NIN: variants seen among roughly 807,000 people sequenced by gnomAD.
NIN encodes ninein.
NIN carries 137 observed loss-of-function variants against 257.6 expected under a neutral mutation model. That is an observed-to-expected ratio of 0.53 (90% CI 0.46 to 0.61). The LOEUF (loss-of-function observed/expected upper bound fraction) is 0.61, where lower values mean the gene tolerates loss of function less well. NIN is among the 20% of genes least tolerant of loss of function. NIN has a pLI of 0.00. For missense variants in NIN, 2,439 were observed against 2,501.2 expected, an observed-to-expected ratio of 0.98 and a Z score of 0.53; for synonymous variants, 918 against 919.8, an observed-to-expected ratio of 1.00 and a Z score of 0.04.
At chr14:50,738,979 A>G (rs2041140049) in intron 26 of NIN, among the ~76,000 whole-genome samples, 2 of 152,040 alleles carry the variant, frequency 1.3e-5, no homozygotes, top group Non-Finnish European at 2.9e-5. Context: ...ATCTGAGTCT[A>G]GTTTTACCAT....
chr14:50,820,483 T>C (rs1164196409), intron 3 of NIN, among the ~76,000 whole-genome samples: 2 of 152,204 alleles, frequency 1.3e-5, no homozygotes, highest in African/African-American at 4.8e-5. Flanking sequence ...AGCCCATTGA[T>C]ACTATCCTTT....
At position 50,758,376 on chromosome 14, in the gene NIN, G is replaced by A. The variant is rs776499143; in HGVS notation, c.2654C>T (p.Thr885Ile). The change falls in exon 18 of 31, where the codon ACA becomes ATA. Residue 885 changes from threonine to isoleucine, a missense_variant. Coordinates refer to ENST00000530997, the MANE Select transcript of NIN (RefSeq NM_020921.4). ...LLKETLKREKTTSLVLTQERE... is the reference protein window; with the variant it reads ...LLKETLKREKITSLVLTQERE... ...CTCCTGGGTCAGGACCAGAGAAGTTGTTTTCTCTCTCTTAAGAGTCTCTTT... is the reference window on the plus strand; with the variant it reads ...CTCCTGGGTCAGGACCAGAGAAGTTATTTTCTCTCTCTTAAGAGTCTCTTT... 6.2e-7 allele frequency: 1 copy of A among 1,614,234 alleles called. No individual in the cohort carries two copies. The highest frequency in any genetic ancestry group is 1.3e-5 in the African/African-American group (1 of 75,066).
chr14:50,778,767 T>A lies in NIN; in HGVS notation c.473A>T (p.Glu158Val). ...KTQRSEEYEA[E>V]GQLRFWNPDD... Reference sequence around the variant, plus strand: ...GTCCTGACACACTCGGCTCTTACCTTCCGCTTCATACTCCTCACTGCGTTG... The same window carrying A: ...GTCCTGACACACTCGGCTCTTACCTACCGCTTCATACTCCTCACTGCGTTG... The change falls in exon 6 of 31, where the codon GAA (glutamate) becomes GTA (valine). Residue 158 changes from glutamate (E) to valine (V), a missense_variant and splice_region_variant. By Grantham distance (121) the Glu-to-Val change is moderately radical. Coordinates refer to ENST00000530997, the MANE Select transcript of NIN (RefSeq NM_020921.4). The A allele has an allele frequency of 3.1e-6, 5 of 1,614,054 alleles. No individual in the cohort carries two copies. Among genetic ancestry groups the A allele is most frequent in the Non-Finnish European group, 4.2e-6 (5 of 1,180,004 alleles).
At chr14:50,728,524 G>A (rs183693121) in intron 29 of NIN, among the ~76,000 whole-genome samples, 11 of 152,234 alleles carry the variant, frequency 7.2e-5, no homozygotes, top group Middle Eastern at 3.4e-3. Context: ...GAGTTCCAGA[G>A]CTAATGTGAC....
chr14:50,734,175 C>T (rs1185647220), intron 28 of NIN, among the ~76,000 whole-genome samples: 3 of 151,764 alleles, frequency 2.0e-5, no homozygotes, highest in Admixed American at 6.6e-5. Flanking sequence ...CTGCAACCTC[C>T]GCCTCCCAGG....
At chr14:50,819,942 C>T (rs2045119866) in intron 3 of NIN, among the ~76,000 whole-genome samples, 1 of 152,112 alleles carries the variant, frequency 6.6e-6, no homozygotes, top group South Asian at 2.1e-4. Context: ...CCAGTGAATC[C>T]TATGGCATTT....
chr14:50,803,122 G>A (rs907705917), intron 4 of NIN, among the ~76,000 whole-genome samples: 4 of 152,172 alleles, frequency 2.6e-5, no homozygotes, highest in African/African-American at 7.2e-5. Flanking sequence ...GGGAGGCCGA[G>A]GCAGGTAGAT....
chr14:50,771,934 C>T (rs1417681733), intron 9 of NIN: 5 of 181,030 alleles, frequency 2.8e-5, no homozygotes, highest in Non-Finnish European at 4.6e-5. Context: ...TGCAGTGAGC[C>T]GAGATCACAC....
intron 3 of NIN, among the ~76,000 whole-genome samples, chr14:50,816,725 C>T (rs1351910552): frequency 6.6e-6 from 1 of 152,090 alleles, no homozygotes; most frequent in Non-Finnish European, 1.5e-5. Flanking sequence ...ATAAAAGTAT[C>T]CGTGAAATAA....
Position 50,825,810 on chromosome 14 carries a change from A to G in NIN, c.-21-3733T>C, listed in dbSNP as rs554080638. Among the ~76,000 whole-genome samples the G allele has an allele frequency of 7.9e-5, 12 of 152,338 alleles. 1 individual carries two copies. In the South Asian group the frequency reaches 1.4e-3, roughly 18 times the overall value. On this transcript the variant is annotated intron_variant, in intron 2 of 30. Transcript: ENST00000530997. ...AGTAGAAATCCCCACACAACACTCC[A>G]TGGCCACAAACTTTTCCAAATTGGA...
chr14:50,787,173 G>C (rs1037735405), intron 5 of NIN, among the ~76,000 whole-genome samples: 2 of 152,186 alleles, frequency 1.3e-5, no homozygotes, highest in Non-Finnish European at 2.9e-5. Context: ...ACCCCTTGCT[G>C]TTGATAAGAA....
chr14:50,811,943 A>C (rs111770067), intron 3 of NIN, among the ~76,000 whole-genome samples: 1 of 126,468 alleles, frequency 7.9e-6, no homozygotes, highest in Non-Finnish European at 1.7e-5. Flanking sequence ...GCAGTGAGCC[A>C]AGACTCCGTC....
Position 50,723,438 on chromosome 14 carries a change from A to C in NIN, c.*25T>G. 1 of 1,596,610 alleles carries C rather than the reference A, an allele frequency of 6.3e-7. No individual in the cohort carries two copies. The highest frequency in any genetic ancestry group is 8.6e-7 in the Non-Finnish European group (1 of 1,166,210). On this transcript the variant is annotated 3_prime_UTR_variant, in exon 31 of 31. Transcript: ENST00000530997. The stretch of plus-strand genomic sequence containing the variant: ...TTCATCTATTTCAGTAAAGTGCACA[A>C]ATATGAGTGTACCCTTTGGTTTGGC...
intron 7 of NIN, among the ~76,000 whole-genome samples, chr14:50,776,656 A>G (rs112636269): frequency 0.018 from 2,750 of 152,276 alleles, 92 homozygotes; most frequent in African/African-American, 0.063. Context: ...GCACCTCTAC[A>G]AATACATCTG....
intron 2 of NIN, chr14:50,823,410 G>C (rs1439695368): frequency 9.0e-6 from 4 of 443,502 alleles, no homozygotes; most frequent in Non-Finnish European, 1.4e-5. Flanking sequence ...CTCTAACTTA[G>C]AGGTGATCGT....
chr14:50,814,752 C>T (rs2044802086), intron 3 of NIN, among the ~76,000 whole-genome samples: 1 of 152,296 alleles, frequency 6.6e-6, no homozygotes, highest in South Asian at 2.1e-4. Context: ...CTACAACCAT[C>T]TGATCTTTGA....
At chr14:50,828,242 T>C (rs2045554114) in intron 2 of NIN, among the ~76,000 whole-genome samples, 2 of 152,226 alleles carry the variant, frequency 1.3e-5, no homozygotes, top group Admixed American at 1.3e-4. Context: ...CTCACGTCTA[T>C]GAACAATATT....
At chr14:50,768,100 G>T (rs1327520029) in intron 12 of NIN, among the ~76,000 whole-genome samples, 1 of 116,294 alleles carries the variant, frequency 8.6e-6, no homozygotes, top group Non-Finnish European at 1.8e-5. Flanking sequence ...CACACACACA[G>T]ACGTGCCATT....
chr14:50,770,352 C>T (rs2042680317), intron 12 of NIN, 36 bp downstream of exon 12: 8 of 1,598,210 alleles, frequency 5.0e-6, no homozygotes, highest in Non-Finnish European at 5.1e-6. Context: ...GTGTTCCCGG[C>T]AGGGACGCAG....
Sources: gnomAD v4.1 joint callset for allele counts (sites outside exome capture counted in the v4.1 genomes callset) on GRCh38, gnomAD v4.1.1 for gene constraint, MANE v1.5 for transcripts, NCBI Gene and HGNC (gene_info 2026-07-23, HGNC 2026-07-21) for gene names.